Variants in COL13A1 observed in about 807,000 individuals in gnomAD.
COL13A1 encodes collagen alpha-1(XIII) chain.
Under a neutral mutation model 130.9 loss-of-function variants are expected in COL13A1, and 89 were observed. The observed-to-expected ratio is 0.68, with a 90% confidence interval of 0.57 to 0.81. The LOEUF is 0.81. Ranked by LOEUF, COL13A1 falls within the 30% of genes least tolerant of loss-of-function variation. The pLI, the probability that COL13A1 is intolerant of heterozygous loss-of-function variation, is 0.00. For missense variants in COL13A1, 879 were observed against 934.6 expected, an observed-to-expected ratio of 0.94 and a Z score of 0.78; for synonymous variants, 402 against 341.6, an observed-to-expected ratio of 1.18 and a Z score of -1.95.
intron 8 of COL13A1, among the ~76,000 whole-genome samples, chr10:69,888,099 A>C (rs1280092676): frequency 6.6e-6 from 1 of 152,210 alleles, no homozygotes; most frequent in Admixed American, 6.5e-5. Context: ...GGCATCCAAC[A>C]TTCTATTATT....
At chr10:69,934,461 G>A (rs2135932206) in intron 31 of COL13A1, among the ~76,000 whole-genome samples, 2 of 152,306 alleles carry the variant, frequency 1.3e-5, no homozygotes, top group South Asian at 4.2e-4. Context: ...CCAGTGTAGG[G>A]GTGCCCTCTG....
At chr10:69,829,087 C>T (rs1206339681) in intron 2 of COL13A1, among the ~76,000 whole-genome samples, 1 of 152,118 alleles carries the variant, frequency 6.6e-6, no homozygotes, top group Non-Finnish European at 1.5e-5. Context: ...TGGCCCTTTC[C>T]AACATTCTCG....
chr10:69,889,601 A>G (rs1211270533), intron 10 of COL13A1, among the ~76,000 whole-genome samples, 161 bp downstream of exon 10: 1 of 152,170 alleles, frequency 6.6e-6, no homozygotes, highest in Non-Finnish European at 1.5e-5. Flanking sequence ...GGATCCTCAC[A>G]TCAATATGCA....
At chr10:69,861,794 C>A (rs984196945) in intron 2 of COL13A1, among the ~76,000 whole-genome samples, 15 of 152,180 alleles carry the variant, frequency 9.9e-5, no homozygotes, top group Non-Finnish European at 1.5e-4. Flanking sequence ...CAGTGTCAGC[C>A]ATGAGTGCAG....
At chr10:69,891,933 C>T (rs113454707) in intron 10 of COL13A1, among the ~76,000 whole-genome samples, 165 of 152,276 alleles carry the variant, frequency 1.1e-3, no homozygotes, top group African/African-American at 3.6e-3. Flanking sequence ...TCTTACCCCT[C>T]GATCACACCT....
rs764836803 is a variant in COL13A1 at position 69,822,465 on chromosome 10, G to A, written c.364+27G>A. 1.4e-4 allele frequency: 218 copies of A among 1,553,650 alleles called. 1 individual carries two copies. The highest frequency in any genetic ancestry group is 1.9e-4 in the East Asian group (8 of 41,224). On this transcript the variant is annotated intron_variant, in intron 2 of 40. Transcript: ENST00000645393. The stretch of plus-strand genomic sequence containing the variant: ...TAAGCAGCCCTGCAAATAGGTGACC[G>A]CGGATGTTCCTAAGACTGAGACCAG...
rs771561449 is a variant in COL13A1, at chr10:69,875,168, G to A, written c.435+5G>A. 5 of 1,613,976 alleles carry A rather than the reference G, an allele frequency of 3.1e-6. No homozygotes were observed. Among genetic ancestry groups the A allele is most frequent in the Non-Finnish European group, 4.2e-6 (5 of 1,179,866 alleles). On this transcript the variant is annotated splice_donor_5th_base_variant and intron_variant, in intron 5 of 40. Coordinates refer to ENST00000645393, the MANE Select transcript of COL13A1 (RefSeq NM_001368882.1). ...ATTGGGATGCCTGGACGTGTGGTGAGTTGGCCCGTTTGTACCTGCTCAGGT... is the reference window on the plus strand; with the variant it reads ...ATTGGGATGCCTGGACGTGTGGTGAATTGGCCCGTTTGTACCTGCTCAGGT...
chr10:69,928,523 T>C (rs752133246), intron 27 of COL13A1, among the ~76,000 whole-genome samples: 5 of 152,240 alleles, frequency 3.3e-5, no homozygotes, highest in Non-Finnish European at 5.9e-5. Flanking sequence ...CATCAGCACT[T>C]GGTTCTTTTT....
chr10:69,820,687 C>A (rs114613511), intron 1 of COL13A1, among the ~76,000 whole-genome samples: 3 of 152,188 alleles, frequency 2.0e-5, no homozygotes, highest in Non-Finnish European at 4.4e-5. Flanking sequence ...AGTGAGGGTC[C>A]CCACTTTGGG....
intron 1 of COL13A1, among the ~76,000 whole-genome samples, chr10:69,817,221 G>A (rs532822633): frequency 6.6e-6 from 1 of 152,202 alleles, no homozygotes; most frequent in South Asian, 2.1e-4. Flanking sequence ...TAGAGGAGGG[G>A]ATTGATGAGG....
intron 17 of COL13A1, among the ~76,000 whole-genome samples, chr10:69,915,419 G>C (rs1216477594): frequency 6.6e-6 from 1 of 152,224 alleles, no homozygotes; most frequent in Non-Finnish European, 1.5e-5. Flanking sequence ...TGCTGAGAGA[G>C]GGCTCTGGCA....
intron 13 of COL13A1, among the ~76,000 whole-genome samples, chr10:69,897,786 C>T (rs894016119): frequency 1.6e-4 from 25 of 152,196 alleles, no homozygotes; most frequent in Non-Finnish European, 3.2e-4. Flanking sequence ...GATTTAAGCG[C>T]TTTCAAAAAC....
At chr10:69,915,382 A>G (rs1157914971) in intron 17 of COL13A1, among the ~76,000 whole-genome samples, 1 of 152,112 alleles carries the variant, frequency 6.6e-6, no homozygotes, top group Non-Finnish European at 1.5e-5. Flanking sequence ...CATCCCACCT[A>G]TGGTTCAGGG....
chr10:69,869,530 C>T (rs2395276), intron 3 of COL13A1, among the ~76,000 whole-genome samples: 36,611 of 152,058 alleles, frequency 0.24, 4,459 homozygotes, highest in Middle Eastern at 0.3. Context: ...AACAGGAAGA[C>T]CCAGATTTCT....
At chr10:69,917,406 T>G in intron 18 of COL13A1, 73 bp downstream of exon 18, 1 of 1,356,908 alleles carries the variant, frequency 7.4e-7, no homozygotes, top group Non-Finnish European at 1.0e-6. Context: ...TCTCCTCAGC[T>G]CTGGGGACAC....
rs757830252 is a variant in COL13A1 at position 69,947,315 on chromosome 10, T to C, written c.2031T>C (p.His677=). Residue 677 remains histidine, a synonymous_variant, in exon 38 of 41, where the codon CAT becomes CAC. Transcript: ENST00000645393. ...CCTCTGATCTCTTGCAGGGTTTACA[T>C]GGACCACCCGGGGACAAGGGAAACC... ...PTGAAGLPGL[H]GPPGDKGNRG... is the part of the protein sequence containing the mutation. The C allele has an allele frequency of 1.9e-6, 3 of 1,613,412 alleles. No homozygotes were observed. The highest frequency in any genetic ancestry group is 2.5e-6 in the Non-Finnish European group (3 of 1,179,622).
At chr10:69,817,066 T>C (rs761986442) in intron 1 of COL13A1, among the ~76,000 whole-genome samples, 1 of 152,238 alleles carries the variant, frequency 6.6e-6, no homozygotes, top group African/African-American at 2.4e-5. Context: ...ATATTTTTTA[T>C]GGGAGCACAG....
chr10:69,827,069 G>T (rs1002099235), intron 2 of COL13A1, among the ~76,000 whole-genome samples: 8 of 152,328 alleles, frequency 5.3e-5, no homozygotes, highest in Non-Finnish European at 1.2e-4. Flanking sequence ...GATGGTAGGT[G>T]GGAAAACAGA....
chr10:69,816,722 A>G (rs2683569), intron 1 of COL13A1, among the ~76,000 whole-genome samples: 141,770 of 152,164 alleles, frequency 0.93, 66,059 homozygotes, highest in South Asian at 0.96. Context: ...GCCCCGAGGA[A>G]GAAGGGGGGT....
Sources: allele counts gnomAD v4.1 joint callset (sites outside exome capture counted in the v4.1 genomes callset), GRCh38; gene constraint gnomAD v4.1.1; transcripts MANE v1.5; gene names NCBI Gene and HGNC (gene_info 2026-07-23, HGNC 2026-07-21).